Variants in PAK4 observed in about 807,000 individuals in gnomAD.
The protein encoded by PAK4 is serine/threonine-protein kinase PAK 4.
A neutral mutation model predicts 53.5 loss-of-function variants in PAK4; 49 were observed. The observed-to-expected ratio is 0.92, with a 90% confidence interval of 0.73 to 1.16. The LOEUF (loss-of-function observed/expected upper bound fraction) is 1.16. Among genes scored for constraint, PAK4 ranks in the 50% most tolerant of loss-of-function variants. PAK4 has a pLI of 0.00. For missense variants in PAK4, 824 were observed against 850.7 expected (o/e 0.97, Z 0.39); for synonymous variants, 376 against 375.6 (o/e 1.00, Z -0.01).
intron 1 of PAK4, among the ~76,000 whole-genome samples, chr19:39,139,178 T>C (rs1253146395): frequency 6.6e-6 from 1 of 152,176 alleles, no homozygotes; most frequent in African/African-American, 2.4e-5. Context: ...ACTTCATTTA[T>C]TCTGTGGGTC....
At chr19:39,140,776 A>T (rs2073896631) in intron 1 of PAK4, among the ~76,000 whole-genome samples, 1 of 152,148 alleles carries the variant, frequency 6.6e-6, no homozygotes, top group Non-Finnish European at 1.5e-5. Context: ...CCGGCACAGC[A>T]TCCTCTGACC....
chr19:39,173,013 G>T lies in PAK4; in HGVS notation c.300G>T (p.Leu100=). 1 of 1,549,740 alleles carries T rather than the reference G, an allele frequency of 6.5e-7. No individual in the cohort carries two copies. The highest frequency in any genetic ancestry group is 8.7e-7 in the Non-Finnish European group (1 of 1,147,028). ...TGTCGGTGACACGCTCCAACTCCCT[G>T]CGGAGAGACAGCCCGCCGCCGCCCG... Residue 100 remains leucine (L), a synonymous_variant, in exon 3 of 9, where the codon CTG becomes CTT. Coordinates refer to ENST00000358301, the Ensembl canonical transcript of PAK4. The surrounding 1 kb of genome is among the most constrained non-coding windows in gnomAD (Gnocchi z 6.9).
chr19:39,142,359 T>C (rs961653070), intron 1 of PAK4, among the ~76,000 whole-genome samples: 5 of 152,236 alleles, frequency 3.3e-5, no homozygotes, highest in Admixed American at 6.5e-5. Flanking sequence ...CTTTCTTAGG[T>C]GGTTGCTTGG....
intron 1 of PAK4, among the ~76,000 whole-genome samples, chr19:39,147,841 GTTTTT>G (rs35845376): frequency 1.5e-4 from 2 of 13,236 alleles, no homozygotes; most frequent in African/African-American, 3.4e-4. Context: ...TTGTTTTCGG[GTTTTT>G]TTTTTTTTTT....
chr19:39,155,055 G>T (rs73046465), intron 1 of PAK4, among the ~76,000 whole-genome samples: 4,807 of 152,308 alleles, frequency 0.032, 120 homozygotes, highest in Non-Finnish European at 0.047. Flanking sequence ...GGGTGTGCCA[G>T]AGCAGGGTAG....
At chr19:39,181,916 A>C (rs1341777771), downstream of PAK4, 1 of 151,984 alleles carries the variant, frequency 6.6e-6, no homozygotes, top group Non-Finnish European at 1.5e-5. Flanking sequence ...AGCGGTTCTC[A>C]CAGTGTGGTT....
intron 1 of PAK4, among the ~76,000 whole-genome samples, chr19:39,163,600 C>A (rs773922733): frequency 1.3e-5 from 2 of 152,180 alleles, no homozygotes; most frequent in Non-Finnish European, 2.9e-5. Context: ...CAGGTCAACG[C>A]TGCCTGTCCC....
chr19:39,145,762 C>T (rs2073988848), intron 1 of PAK4, among the ~76,000 whole-genome samples: 1 of 152,198 alleles, frequency 6.6e-6, no homozygotes, highest in Non-Finnish European at 1.5e-5. Flanking sequence ...AGGAGGGCCT[C>T]TTCTCTTCCC....
chr19:39,178,466 C>G lies in PAK4; in HGVS notation c.1663C>G (p.Arg555Gly), dbSNP rs56084716. 2.3e-3 allele frequency: 3,694 copies of G among 1,604,260 alleles called. 23 individuals carry two copies. The Middle Eastern group carries it at 0.028, about 12-fold the overall frequency. ...GGGCTTCCTGGACCGCCTGCTGGTG[C>G]GAGACCCTGCCCAGCGGGCCACGGC... The change falls in exon 9 of 9, where the codon CGA becomes GGA. Residue 555 changes from arginine to glycine, a missense_variant. Arg to Gly is a moderately radical substitution (Grantham distance 125, BLOSUM62 -2). This residue lies in a region of PAK4 where 346 missense variants were observed against 415.0 expected (regional missense o/e 0.83). Transcript: ENST00000358301. This position sits in a 1 kb window ranked among gnomAD's most constrained non-coding sequence, Gnocchi z 4.4.
At chr19:39,138,571 G>T (rs1490038306) in intron 1 of PAK4, among the ~76,000 whole-genome samples, 3 of 152,174 alleles carry the variant, frequency 2.0e-5, no homozygotes, top group South Asian at 2.1e-4. Context: ...TCATGATGTG[G>T]CAGGGAGTCT....
chr19:39,133,548 C>T (rs2073753513), intron 1 of PAK4, among the ~76,000 whole-genome samples: 1 of 152,116 alleles, frequency 6.6e-6, no homozygotes, highest in African/African-American at 2.4e-5. Context: ...ATCGCTGTGG[C>T]CGCTTCCCCT....
At chr19:39,157,987 CTG>C (rs2074214227) in intron 1 of PAK4, among the ~76,000 whole-genome samples, 1 of 152,120 alleles carries the variant, frequency 6.6e-6, no homozygotes, top group Admixed American at 6.5e-5. Context: ...TCACATGCAT[CTG>C]TGTCTAGGGA....
At chr19:39,131,705 G>A (rs144634454) in intron 1 of PAK4, among the ~76,000 whole-genome samples, 6 of 152,322 alleles carry the variant, frequency 3.9e-5, no homozygotes, top group African/African-American at 9.6e-5. Flanking sequence ...GGGACCCTCC[G>A]GTCCTGCCCC....
At chr19:39,154,720 G>C (rs998161859) in intron 1 of PAK4, among the ~76,000 whole-genome samples, 8 of 152,034 alleles carry the variant, frequency 5.3e-5, no homozygotes, top group Non-Finnish European at 1.2e-4. Context: ...TCCACTCCCC[G>C]CCAGAGCCCA....
downstream of PAK4, chr19:39,179,892 G>T (rs557438326): frequency 1.3e-5 from 2 of 152,396 alleles, no homozygotes; most frequent in Admixed American, 1.3e-4. Flanking sequence ...CACGCTGGGG[G>T]GAATCTGACT....
intron 1 of PAK4, among the ~76,000 whole-genome samples, chr19:39,136,941 C>T (rs377212797): frequency 8.8e-4 from 134 of 152,204 alleles, no homozygotes; most frequent in East Asian, 3.1e-3. Context: ...GGTCTCCCGG[C>T]GGGGGAGTGC....
At chr19:39,155,102 G>A (rs1462515512) in intron 1 of PAK4, among the ~76,000 whole-genome samples, 3 of 152,160 alleles carry the variant, frequency 2.0e-5, no homozygotes, top group Non-Finnish European at 2.9e-5. Flanking sequence ...GCTGTGTGCC[G>A]GGGCGCTTGC....
Position 39,143,423 on chromosome 19 carries a change from T to C in PAK4, c.-23+17504T>C, listed in dbSNP as rs557537053. ...CTGGCCAACACAGTGAAACCCCGTC[T>C]CTACTAAAAATACAAAAAAATTAGC... On this transcript the variant is annotated intron_variant, in intron 1 of 8. Transcript: ENST00000358301. Among the ~76,000 whole-genome samples, 3 of 150,726 alleles carry C rather than the reference T, an allele frequency of 2.0e-5. No individual in the cohort carries two copies. In the South Asian group the frequency reaches 6.3e-4, roughly 32 times the overall value.
chr19:39,164,802 C>T (rs2074342319), intron 1 of PAK4, among the ~76,000 whole-genome samples: 1 of 152,126 alleles, frequency 6.6e-6, no homozygotes, highest in Admixed American at 6.5e-5. Flanking sequence ...CTCAGAATGG[C>T]CACTCCACCG....
Sources: allele counts gnomAD v4.1 joint callset (sites outside exome capture counted in the v4.1 genomes callset), GRCh38; gene constraint gnomAD v4.1.1; regional missense constraint gnomAD v4.1.1; non-coding constraint Gnocchi (gnomAD v3.1); transcripts MANE v1.5; gene names NCBI Gene and HGNC (gene_info 2026-07-23, HGNC 2026-07-21).